Variants in CACNB4 observed in about 807,000 individuals in gnomAD.
The protein encoded by CACNB4 is calcium voltage-gated channel auxiliary subunit beta 4, also known as voltage-dependent L-type calcium channel subunit beta-4.
A neutral mutation model predicts 71.2 loss-of-function variants in CACNB4; 32 were observed. That is an observed-to-expected ratio of 0.45 (90% CI 0.34 to 0.60). The LOEUF is 0.60. CACNB4 is among the 20% of genes least tolerant of loss of function. CACNB4 has a pLI of 0.01. For synonymous variants in CACNB4, 231 were observed against 236.9 expected, an observed-to-expected ratio of 0.97 and a Z score of 0.23; for missense variants, 464 against 647.9, an observed-to-expected ratio of 0.72 and a Z score of 3.08.
intron 2 of CACNB4, among the ~76,000 whole-genome samples, chr2:152,066,688 T>A (rs1340590524): frequency 6.7e-6 from 1 of 150,332 alleles, no homozygotes; most frequent in African/African-American, 2.4e-5. Context: ...TAAAGACACA[T>A]GCACACGTAT....
chr2:151,929,995 C>T (rs909473979), intron 2 of CACNB4, among the ~76,000 whole-genome samples: 5 of 151,916 alleles, frequency 3.3e-5, no homozygotes, highest in Admixed American at 3.3e-4. Flanking sequence ...AACATTTTCA[C>T]AAAATCATAC....
intron 2 of CACNB4, chr2:151,974,079 G>A (rs2099873320): frequency 4.5e-6 from 2 of 448,032 alleles, no homozygotes; most frequent in Non-Finnish European, 6.1e-6. Flanking sequence ...ATCCTACCCA[G>A]CAAAGAGCTG....
At chr2:152,072,807 ATT>A (rs780232798) in intron 2 of CACNB4, among the ~76,000 whole-genome samples, 14 of 138,598 alleles carry the variant, frequency 1.0e-4, no homozygotes, top group South Asian at 2.4e-4. Flanking sequence ...GGCCCAGCTG[ATT>A]TTTTTTTTTT....
chr2:151,958,620 TG>T (rs2099868902), intron 2 of CACNB4, among the ~76,000 whole-genome samples: 1 of 152,182 alleles, frequency 6.6e-6, no homozygotes, highest in Non-Finnish European at 1.5e-5. Flanking sequence ...CCATTAAACC[TG>T]CTGCATTTAT....
At chr2:151,862,309 T>C (rs954947452) in intron 9 of CACNB4, among the ~76,000 whole-genome samples, 3 of 152,230 alleles carry the variant, frequency 2.0e-5, no homozygotes, top group African/African-American at 7.2e-5. Flanking sequence ...AAAATAGTCC[T>C]TTCCTCAGAT....
intron 12 of CACNB4, among the ~76,000 whole-genome samples, chr2:151,848,311 C>G (rs547494248): frequency 1.3e-5 from 2 of 152,128 alleles, no homozygotes; most frequent in Non-Finnish European, 2.9e-5. Context: ...TTTCATGAAG[C>G]AAACATCTGA....
chr2:152,009,477 G>A (rs1682935099), intron 2 of CACNB4, among the ~76,000 whole-genome samples: 1 of 152,176 alleles, frequency 6.6e-6, no homozygotes, highest in East Asian at 1.9e-4. Context: ...GGTGACAAAT[G>A]TACCATAGTA....
At chr2:151,920,563 A>G (rs2099858737) in intron 2 of CACNB4, among the ~76,000 whole-genome samples, 1 of 151,964 alleles carries the variant, frequency 6.6e-6, no homozygotes, top group Admixed American at 6.6e-5. Flanking sequence ...TCCTGGCCTC[A>G]AGCAATCCTC....
intron 2 of CACNB4, among the ~76,000 whole-genome samples, chr2:151,946,515 G>A (rs79820318): frequency 6.6e-6 from 1 of 152,136 alleles, no homozygotes; most frequent in Non-Finnish European, 1.5e-5. Context: ...AATGTTATCA[G>A]AAGGCTGTTG....
At chr2:151,994,077 T>G (rs1022994114) in intron 2 of CACNB4, among the ~76,000 whole-genome samples, 4 of 151,364 alleles carry the variant, frequency 2.6e-5, no homozygotes, top group Non-Finnish European at 5.9e-5. Flanking sequence ...GAGGCTGAGG[T>G]AGGAGAATTG....
chr2:151,987,183 G>A (rs540785790), intron 2 of CACNB4, among the ~76,000 whole-genome samples: 7 of 152,272 alleles, frequency 4.6e-5, no homozygotes, highest in African/African-American at 9.6e-5. Flanking sequence ...GACAACCTCC[G>A]CAACATATGA....
chr2:151,996,179 T>C (rs1682031948), intron 2 of CACNB4, among the ~76,000 whole-genome samples: 1 of 152,248 alleles, frequency 6.6e-6, no homozygotes, highest in Non-Finnish European at 1.5e-5. Flanking sequence ...TACAGGCTTC[T>C]CACTACTGGC....
At chr2:151,860,597 A>G (rs2099841392) in intron 10 of CACNB4, 114 bp downstream of exon 10, 2 of 746,972 alleles carry the variant, frequency 2.7e-6, no homozygotes, top group African/African-American at 1.7e-5. Flanking sequence ...TTAGGTACTC[A>G]GTGCTCCCCC....
chr2:151,931,319 C>A (rs1234896953), intron 2 of CACNB4, among the ~76,000 whole-genome samples: 1 of 152,194 alleles, frequency 6.6e-6, no homozygotes, highest in African/African-American at 2.4e-5. Flanking sequence ...TTTCTATAGA[C>A]AAACTAAGCC....
chr2:152,034,923 G>C (rs961615269), intron 2 of CACNB4, among the ~76,000 whole-genome samples: 10 of 152,194 alleles, frequency 6.6e-5, no homozygotes, highest in Admixed American at 5.2e-4. Flanking sequence ...GTTGACCAAA[G>C]GAATCGTGAG....
At chr2:152,062,535 G>T (rs960268278) in intron 2 of CACNB4, among the ~76,000 whole-genome samples, 2 of 152,104 alleles carry the variant, frequency 1.3e-5, no homozygotes, top group African/African-American at 4.8e-5. Flanking sequence ...CAAGCCAAGG[G>T]GGTACATACA....
intron 2 of CACNB4, among the ~76,000 whole-genome samples, chr2:151,988,723 C>T (rs923604042): frequency 2.6e-5 from 4 of 152,114 alleles, no homozygotes; most frequent in African/African-American, 9.7e-5. Context: ...GGTTTCTCCT[C>T]TTCTTCTATA....
chr2:151,891,981 A>G (rs1247622918), intron 2 of CACNB4, among the ~76,000 whole-genome samples: 2 of 152,190 alleles, frequency 1.3e-5, no homozygotes, highest in Admixed American at 1.3e-4. Context: ...CGGCAGTTGC[A>G]CTTGGCAGCA....
At chr2:151,934,876 A>G (rs2099862539) in intron 2 of CACNB4, among the ~76,000 whole-genome samples, 1 of 152,230 alleles carries the variant, frequency 6.6e-6, no homozygotes, top group Admixed American at 6.5e-5. Context: ...TCTATGATCC[A>G]CATTCCATAC....
Sources: gnomAD v4.1 joint callset for allele counts (sites outside exome capture counted in the v4.1 genomes callset) on GRCh38, gnomAD v4.1.1 for gene constraint, MANE v1.5 for transcripts, NCBI Gene and HGNC (gene_info 2026-07-23, HGNC 2026-07-21) for gene names.